The following SSBP2 variants were observed in gnomAD, a reference collection of about 807,000 sequenced individuals.
SSBP2 encodes single stranded DNA binding protein 2, also known as single-stranded DNA-binding protein 2.
In SSBP2, 17 loss-of-function variants were observed where a neutral mutation model predicts 61.8. The ratio of observed to expected loss-of-function variants is 0.28; its 90% CI spans 0.19 to 0.41. The LOEUF (loss-of-function observed/expected upper bound fraction) is 0.41, where lower values mean the gene tolerates loss of function less well. Among genes scored for constraint, SSBP2 ranks in the 10% least tolerant of loss-of-function variants. The pLI is 1.00. For missense variants in SSBP2, 310 were observed against 458.7 expected, an observed-to-expected ratio of 0.68 and a Z score of 2.96; for synonymous variants, 139 against 141.3, an observed-to-expected ratio of 0.98 and a Z score of 0.12.
At chr5:81,431,411 G>T (rs1182993935) in intron 15 of SSBP2, among the ~76,000 whole-genome samples, 1 of 151,920 alleles carries the variant, frequency 6.6e-6, no homozygotes, top group Non-Finnish European at 1.5e-5. Flanking sequence ...ATTTCTTCAA[G>T]TTGGAAATTC....
intron 1 of SSBP2, among the ~76,000 whole-genome samples, chr5:81,710,261 TA>T (rs1204620723): frequency 6.6e-6 from 1 of 152,050 alleles, no homozygotes; most frequent in Non-Finnish European, 1.5e-5. Context: ...TCTAATTAGA[TA>T]CCTTGGAAGA....
intron 16 of SSBP2, among the ~76,000 whole-genome samples, chr5:81,422,387 G>T (rs2153887798): frequency 6.6e-6 from 1 of 152,244 alleles, no homozygotes; most frequent in East Asian, 1.9e-4. Context: ...CACATGTCTG[G>T]GCCAGATGTC....
At chr5:81,500,486 G>A (rs946138290) in intron 5 of SSBP2, among the ~76,000 whole-genome samples, 20 of 150,642 alleles carry the variant, frequency 1.3e-4, no homozygotes, top group Admixed American at 2.0e-4. Flanking sequence ...TGCTGGAACG[G>A]AGTCTCACTC....
At chr5:81,465,991 TA>T (rs1040533339) in intron 9 of SSBP2, among the ~76,000 whole-genome samples, 3 of 151,782 alleles carry the variant, frequency 2.0e-5, no homozygotes, top group African/African-American at 2.4e-5. Flanking sequence ...TTCAGAAACT[TA>T]AAAAAAATCC....
intron 3 of SSBP2, among the ~76,000 whole-genome samples, chr5:81,633,676 TC>T (rs1747941792): frequency 6.6e-6 from 1 of 152,066 alleles, no homozygotes; most frequent in Non-Finnish European, 1.5e-5. Context: ...CAGCTTCATT[TC>T]CCTCTCCTTT....
chr5:81,461,812 G>A (rs138986061), intron 9 of SSBP2, among the ~76,000 whole-genome samples: 186 of 152,192 alleles, frequency 1.2e-3, no homozygotes, highest in African/African-American at 4.4e-3. Flanking sequence ...GTATTCCACA[G>A]CTTCTAAGGA....
chr5:81,465,025 G>A (rs750489154), intron 9 of SSBP2, among the ~76,000 whole-genome samples: 1 of 151,900 alleles, frequency 6.6e-6, no homozygotes, highest in African/African-American at 2.4e-5. Context: ...CACTCTTATA[G>A]AGCATTCATA....
At chr5:81,467,584 C>T (rs867501624) in intron 8 of SSBP2, among the ~76,000 whole-genome samples, 2 of 151,988 alleles carry the variant, frequency 1.3e-5, no homozygotes, top group African/African-American at 2.4e-5. Context: ...ATTCAAAATA[C>T]GTATGCATGA....
chr5:81,648,631 G>C lies in SSBP2; in HGVS notation c.135+1636C>G, dbSNP rs533180262. On this transcript the variant is annotated intron_variant, in intron 2 of 16. Transcript: ENST00000320672. ...ACCAGAGATAATACGATTTCAAGCA[G>C]CACTGTCCAACAGAAATAGAAACAT... Among the ~76,000 whole-genome samples, 13 of 152,130 alleles carry C rather than the reference G, an allele frequency of 8.5e-5. No homozygotes were observed. In the South Asian group the frequency reaches 2.5e-3, roughly 29 times the overall value.
At chr5:81,738,286 C>T (rs1387172737) in intron 1 of SSBP2, among the ~76,000 whole-genome samples, 2 of 152,128 alleles carry the variant, frequency 1.3e-5, no homozygotes, top group Non-Finnish European at 2.9e-5. Flanking sequence ...AGGATATGTG[C>T]ACTTTTCTGT....
chr5:81,464,603 G>T (rs1340557153), intron 9 of SSBP2, among the ~76,000 whole-genome samples: 1 of 152,056 alleles, frequency 6.6e-6, no homozygotes, highest in Non-Finnish European at 1.5e-5. Context: ...TTAGTGACCA[G>T]GGTTGGGAAT....
intron 5 of SSBP2, among the ~76,000 whole-genome samples, chr5:81,506,922 A>T (rs1417373228): frequency 6.6e-6 from 1 of 152,136 alleles, no homozygotes; most frequent in Non-Finnish European, 1.5e-5. Flanking sequence ...AATATCAAAA[A>T]TATTATACAC....
In SSBP2 at chr5:81,418,441, G is replaced by A. The variant is rs1761412774; in HGVS notation, c.*2063C>T. 6.6e-6 allele frequency: 1 copy of A among 152,108 alleles called. No homozygotes were observed. The highest frequency in any genetic ancestry group is 2.4e-5 in the African/African-American group (1 of 41,418). 9.4% of individuals were successfully genotyped at this position (152,108 alleles called of 1,614,324 possible). On this transcript the variant is annotated 3_prime_UTR_variant, in exon 17 of 17. Coordinates refer to ENST00000320672, the MANE Select transcript of SSBP2 (RefSeq NM_012446.5). ...TGCCTAGTATCCCTGTTTAGGCACAGGCAAAATCTTTATTTTTACAAGGAC... is the reference window on the plus strand; with the variant it reads ...TGCCTAGTATCCCTGTTTAGGCACAAGCAAAATCTTTATTTTTACAAGGAC...
chr5:81,529,639 C>T (rs1460592861), intron 4 of SSBP2, among the ~76,000 whole-genome samples: 1 of 152,026 alleles, frequency 6.6e-6, no homozygotes, highest in East Asian at 1.9e-4. Flanking sequence ...TTGGTTAAGC[C>T]ACATCTTGAA....
chr5:81,604,122 T>A (rs1037654695), intron 4 of SSBP2, among the ~76,000 whole-genome samples: 2 of 152,028 alleles, frequency 1.3e-5, no homozygotes, highest in African/African-American at 4.8e-5. Context: ...AAATAAAAAT[T>A]CTATATTTAC....
chr5:81,612,083 A>T (rs190556832), intron 4 of SSBP2, among the ~76,000 whole-genome samples: 1 of 152,240 alleles, frequency 6.6e-6, no homozygotes, highest in Non-Finnish European at 1.5e-5. Flanking sequence ...GGTTGTGATG[A>T]TGGTTTCATG....
At chr5:81,579,203 T>C (rs1204282364) in intron 4 of SSBP2, among the ~76,000 whole-genome samples, 1 of 152,120 alleles carries the variant, frequency 6.6e-6, no homozygotes, top group Non-Finnish European at 1.5e-5. Context: ...AATAGAATTA[T>C]GAAACCCACA....
chr5:81,675,739 T>C (rs542043158), intron 1 of SSBP2, among the ~76,000 whole-genome samples: 3 of 152,326 alleles, frequency 2.0e-5, no homozygotes, highest in Admixed American at 2.0e-4. Context: ...GTGCAATCCT[T>C]GTTTTAGTTT....
At chr5:81,544,206 G>A (rs943407194) in intron 4 of SSBP2, among the ~76,000 whole-genome samples, 3 of 152,012 alleles carry the variant, frequency 2.0e-5, no homozygotes, top group Admixed American at 6.6e-5. Flanking sequence ...ATGCCACCAC[G>A]CCCGGCTAAT....
Sources: allele counts gnomAD v4.1 joint callset (sites outside exome capture counted in the v4.1 genomes callset), GRCh38; gene constraint gnomAD v4.1.1; transcripts MANE v1.5; gene names NCBI Gene and HGNC (gene_info 2026-07-23, HGNC 2026-07-21).